Variants in STOX1 observed in about 807,000 individuals in gnomAD.
The protein encoded by STOX1 is storkhead-box protein 1.
In STOX1, 57 loss-of-function variants were observed where a neutral mutation model predicts 74.8. That is an observed-to-expected ratio of 0.76 (90% confidence interval 0.62 to 0.95). STOX1 has a LOEUF of 0.95. Among genes scored for constraint, STOX1 ranks in the 40% least tolerant of loss-of-function variants. The pLI is 0.00. For synonymous variants in STOX1, 375 were observed against 401.3 expected (o/e 0.93, Z 0.78); for missense variants, 1,010 against 1,117.0 (o/e 0.90, Z 1.37).
At chr10:68,877,678 C>T (rs1840711691) in intron 1 of STOX1, among the ~76,000 whole-genome samples, 1 of 152,218 alleles carries the variant, frequency 6.6e-6, no homozygotes, top group African/African-American at 2.4e-5. Flanking sequence ...TGGGCAGCCA[C>T]CTGCAGGCGG....
chr10:68,877,533 A>T (rs992890779), intron 1 of STOX1, among the ~76,000 whole-genome samples: 6 of 152,198 alleles, frequency 3.9e-5, no homozygotes, highest in Admixed American at 2.6e-4. Flanking sequence ...AGCCCCATGA[A>T]AATCTATCTT....
At chr10:68,845,939 A>G (rs997999951) in intron 1 of STOX1, among the ~76,000 whole-genome samples, 2 of 151,214 alleles carry the variant, frequency 1.3e-5, no homozygotes, top group Non-Finnish European at 3.0e-5. Flanking sequence ...GGATTTCGCC[A>G]TATTGCCCAG....
chr10:68,854,081 C>T (rs1398099268), intron 1 of STOX1, among the ~76,000 whole-genome samples: 3 of 151,824 alleles, frequency 2.0e-5, no homozygotes, highest in African/African-American at 2.4e-5. Flanking sequence ...CTGCAACCTT[C>T]GCCTCCCAGG....
At chr10:68,846,990 T>C (rs1369038652) in intron 1 of STOX1, 1 of 152,218 alleles carries the variant, frequency 6.6e-6, no homozygotes, top group Non-Finnish European at 1.5e-5. Flanking sequence ...TCTCCTGAGC[T>C]ATGGAAGCAG....
rs756782378 is a variant in STOX1, at chr10:68,886,313, T to C, written c.2517T>C (p.Ser839=). ...QFGFNYEEEP[S]VAKCVQASAP... ...GTTTTAACTACGAAGAAGAACCCAG[T>C]GTTGCTAAATGTGTACAGGCCTCAG... The change falls in exon 3 of 4, where the codon AGT becomes AGC. Residue 839 remains serine (S), a synonymous_variant. Coordinates refer to ENST00000298596, the MANE Select transcript of STOX1 (RefSeq NM_152709.5). 2 of 1,614,184 alleles carry C rather than the reference T, an allele frequency of 1.2e-6. No homozygotes were observed. The highest frequency in any genetic ancestry group is 2.2e-5 in the East Asian group (1 of 44,878).
chr10:68,851,162 G>A (rs546405686), intron 1 of STOX1, among the ~76,000 whole-genome samples: 1 of 151,694 alleles, frequency 6.6e-6, no homozygotes, highest in African/African-American at 2.4e-5. Flanking sequence ...AAATTAGCAA[G>A]GTGTGTTGTG....
At chr10:68,831,437 C>G (rs908987614) in intron 1 of STOX1, among the ~76,000 whole-genome samples, 1 of 152,160 alleles carries the variant, frequency 6.6e-6, no homozygotes, top group African/African-American at 2.4e-5. Flanking sequence ...CCGCCCGCCT[C>G]GGCCTCCCAT....
chr10:68,872,289 T>C (rs1042404484), intron 1 of STOX1, among the ~76,000 whole-genome samples: 1 of 152,018 alleles, frequency 6.6e-6, no homozygotes, highest in Non-Finnish European at 1.5e-5. Flanking sequence ...GAAAAACTCG[T>C]GTTCTAAATA....
chr10:68,880,779 A>C (rs1224289306), intron 1 of STOX1, among the ~76,000 whole-genome samples: 2 of 151,090 alleles, frequency 1.3e-5, no homozygotes, highest in East Asian at 3.9e-4. Context: ...TGCAACCTCC[A>C]CCTCCTGGGT....
At chr10:68,848,328 C>T (rs1839903361) in intron 1 of STOX1, among the ~76,000 whole-genome samples, 1 of 152,180 alleles carries the variant, frequency 6.6e-6, no homozygotes, top group Admixed American at 6.5e-5. Context: ...CCAGGTCAGG[C>T]ACAACCCAGC....
chr10:68,891,753 G>C (rs1347845892), intron 3 of STOX1, among the ~76,000 whole-genome samples: 1 of 151,080 alleles, frequency 6.6e-6, no homozygotes, highest in Non-Finnish European at 1.5e-5. Context: ...AGTGGGCCAA[G>C]ACTGCACCAT....
chr10:68,863,711 A>C (rs1324335432), intron 1 of STOX1, among the ~76,000 whole-genome samples: 1 of 152,068 alleles, frequency 6.6e-6, no homozygotes, highest in Non-Finnish European at 1.5e-5. Context: ...TGGGTAAATA[A>C]AGTCACAAGT....
At chr10:68,868,525 G>A (rs1236804643) in intron 1 of STOX1, among the ~76,000 whole-genome samples, 2 of 152,164 alleles carry the variant, frequency 1.3e-5, no homozygotes, top group African/African-American at 2.4e-5. Flanking sequence ...TAGCCATCAC[G>A]AGCATGTCAC....
chr10:68,840,224 A>G (rs1300309020), intron 1 of STOX1, among the ~76,000 whole-genome samples: 3 of 152,240 alleles, frequency 2.0e-5, no homozygotes, highest in African/African-American at 7.2e-5. Context: ...TAAGACTCCT[A>G]GAAGAGAACA....
At position 68,891,044 on chromosome 10, in the gene STOX1, C is replaced by A. The variant is rs187233801; in HGVS notation, c.2823-1545C>A. ...ATGGGTTCCTTTTCTTTCTCTGTGGCAAAAACAAAACAAAAACAGATGAGA... is the reference window on the plus strand; with the variant it reads ...ATGGGTTCCTTTTCTTTCTCTGTGGAAAAAACAAAACAAAAACAGATGAGA... On this transcript the variant is annotated intron_variant, in intron 3 of 3. Transcript: ENST00000298596. 2.3e-3 allele frequency among the ~76,000 whole-genome samples: 346 copies of A among 152,158 alleles called. 1 individual carries two copies. Among genetic ancestry groups the A allele is most frequent in the African/African-American group, 8.1e-3 (336 of 41,518 alleles).
intron 3 of STOX1, among the ~76,000 whole-genome samples, chr10:68,891,333 A>G (rs1196540403): frequency 1.3e-5 from 2 of 152,218 alleles, no homozygotes; most frequent in Admixed American, 1.3e-4. Flanking sequence ...GAGACAAACA[A>G]TAAACATAGG....
intron 1 of STOX1, among the ~76,000 whole-genome samples, chr10:68,881,232 A>G (rs1840807009): frequency 6.6e-6 from 1 of 152,244 alleles, no homozygotes; most frequent in Non-Finnish European, 1.5e-5. Flanking sequence ...AACATTTAAT[A>G]GACTGGCTAG....
chr10:68,871,140 A>G (rs1313361189), intron 1 of STOX1, among the ~76,000 whole-genome samples: 1 of 152,214 alleles, frequency 6.6e-6, no homozygotes, highest in East Asian at 1.9e-4. Flanking sequence ...GATTCGTTTT[A>G]GTATTATTCA....
chr10:68,839,864 G>A (rs1020086100), intron 1 of STOX1, among the ~76,000 whole-genome samples: 14 of 151,978 alleles, frequency 9.2e-5, no homozygotes, highest in Non-Finnish European at 1.3e-4. Flanking sequence ...CACAGAGTGA[G>A]ACTCCGTTTC....
Sources: gnomAD v4.1 joint callset for allele counts (sites outside exome capture counted in the v4.1 genomes callset) on GRCh38, gnomAD v4.1.1 for gene constraint, MANE v1.5 for transcripts, NCBI Gene and HGNC (gene_info 2026-07-23, HGNC 2026-07-21) for gene names.